Variants in SUGCT observed in about 807,000 individuals in gnomAD.
The protein encoded by SUGCT is succinyl-CoA:glutarate CoA-transferase.
In SUGCT, 41 loss-of-function variants were observed where a neutral mutation model predicts 55.0. That is an observed-to-expected ratio of 0.74 (90% CI 0.58 to 0.97). The LOEUF (loss-of-function observed/expected upper bound fraction) is 0.97. SUGCT is among the 50% of genes least tolerant of loss of function. The probability of loss-of-function intolerance (pLI) is 0.00; values close to 1 mark genes in which losing one functional copy is unlikely to be tolerated. For missense variants in SUGCT, 568 were observed against 547.8 expected, an observed-to-expected ratio of 1.04 and a Z score of -0.37; for synonymous variants, 187 against 200.4, an observed-to-expected ratio of 0.93 and a Z score of 0.56.
At chr7:40,297,808 G>T (rs1322485419) in intron 8 of SUGCT, among the ~76,000 whole-genome samples, 1 of 152,024 alleles carries the variant, frequency 6.6e-6, no homozygotes, top group Non-Finnish European at 1.5e-5. Context: ...GTATTCTCAA[G>T]CATGTCCTAT....
intron 6 of SUGCT, among the ~76,000 whole-genome samples, chr7:40,199,336 C>T (rs76287977): frequency 0.033 from 5,046 of 152,112 alleles, 264 homozygotes; most frequent in African/African-American, 0.11. Flanking sequence ...GAGGAAGGAC[C>T]TGATTATTTT....
the SUGCT span, among the ~76,000 whole-genome samples, chr7:40,911,563 G>A: frequency 1.2e-4 from 12 of 96,556 alleles, no homozygotes; most frequent in Middle Eastern, 9.2e-3. Flanking sequence ...GTGAGACCCT[G>A]TCTCAAAAAA....
At chr7:40,670,363 C>A (rs542524378) in intron 12 of SUGCT, among the ~76,000 whole-genome samples, 1 of 151,960 alleles carries the variant, frequency 6.6e-6, no homozygotes, top group African/African-American at 2.4e-5. Context: ...ATCAATGAAA[C>A]AAAGGGCTGG....
the SUGCT span, among the ~76,000 whole-genome samples, chr7:41,020,402 A>T: frequency 2.0e-5 from 3 of 152,234 alleles, no homozygotes; most frequent in African/African-American, 7.2e-5. Flanking sequence ...ATGAGAAGTA[A>T]ATAGTTTAGC....
At chr7:40,340,131 G>A (rs573842560) in intron 9 of SUGCT, among the ~76,000 whole-genome samples, 38 of 152,194 alleles carry the variant, frequency 2.5e-4, no homozygotes, top group Middle Eastern at 6.8e-3. Flanking sequence ...GGGAACACTG[G>A]AAAATTAGAA....
intron 13 of SUGCT, among the ~76,000 whole-genome samples, chr7:40,777,381 G>A (rs1230219721): frequency 6.6e-6 from 1 of 151,886 alleles, no homozygotes; most frequent in Non-Finnish European, 1.5e-5. Context: ...TTCTATTGTA[G>A]TAGGGTAAAA....
chr7:40,175,983 GCA>G (rs1249527573), intron 1 of SUGCT, among the ~76,000 whole-genome samples: 1 of 152,102 alleles, frequency 6.6e-6, no homozygotes, highest in African/African-American at 2.4e-5. Flanking sequence ...GGTAATGCCA[GCA>G]CTGTGGGAGG....
intron 12 of SUGCT, among the ~76,000 whole-genome samples, chr7:40,594,656 A>G (rs1024094306): frequency 2.0e-5 from 3 of 152,186 alleles, no homozygotes; most frequent in African/African-American, 7.2e-5. Flanking sequence ...ATGCACAGTG[A>G]GAACAGCTGG....
intron 6 of SUGCT, among the ~76,000 whole-genome samples, chr7:40,202,989 T>G (rs774898846): frequency 6.6e-6 from 1 of 152,218 alleles, no homozygotes; most frequent in Non-Finnish European, 1.5e-5. Flanking sequence ...TTTGGTATTC[T>G]TTCAGACACA....
At chr7:40,755,082 C>T (rs1028303367) in intron 13 of SUGCT, among the ~76,000 whole-genome samples, 11 of 152,188 alleles carry the variant, frequency 7.2e-5, no homozygotes, top group African/African-American at 2.2e-4. Context: ...ACAGTGACCC[C>T]GAAGAGGGAT....
At chr7:40,408,213 A>G (rs1562754978) in intron 9 of SUGCT, among the ~76,000 whole-genome samples, 1 of 152,156 alleles carries the variant, frequency 6.6e-6, no homozygotes, top group Non-Finnish European at 1.5e-5. Context: ...TGCATATTCT[A>G]TTTATCATAT....
At chr7:40,978,186 T>C in the SUGCT span, among the ~76,000 whole-genome samples, 1 of 152,248 alleles carries the variant, frequency 6.6e-6, no homozygotes, top group East Asian at 1.9e-4. Context: ...AGCCCTCACT[T>C]GCACCCCTCT....
chr7:40,245,419 ATATATTTTTTTTTTT>A (rs1447489665), intron 7 of SUGCT, among the ~76,000 whole-genome samples: 4 of 24,976 alleles, frequency 1.6e-4, no homozygotes, highest in Non-Finnish European at 2.9e-4. Flanking sequence ...ATATATATAT[ATATATTTTTTTTTTT>A]TTTTTTTTTT....
At chr7:40,323,687 G>C (rs531490327) in intron 9 of SUGCT, among the ~76,000 whole-genome samples, 1 of 152,068 alleles carries the variant, frequency 6.6e-6, no homozygotes, top group Non-Finnish European at 1.5e-5. Context: ...GCCATTGCTC[G>C]CAGACTTAGA....
At chr7:40,176,849 T>C (rs1784948268) in intron 1 of SUGCT, among the ~76,000 whole-genome samples, 1 of 150,966 alleles carries the variant, frequency 6.6e-6, no homozygotes, top group Non-Finnish European at 1.5e-5. Flanking sequence ...GGCAGGTGCC[T>C]GTAATCCCAG....
intron 8 of SUGCT, among the ~76,000 whole-genome samples, chr7:40,287,249 A>G (rs1383174651): frequency 6.6e-6 from 1 of 152,072 alleles, no homozygotes; most frequent in East Asian, 1.9e-4. Context: ...AGAGTATTTT[A>G]GTGGATTCTG....
the SUGCT span, among the ~76,000 whole-genome samples, chr7:40,899,426 C>G: frequency 2.6e-5 from 4 of 152,204 alleles, no homozygotes; most frequent in East Asian, 3.9e-4. Context: ...TTGCTCCAGG[C>G]TATGGTGTCA....
At chr7:40,760,834 G>A (rs1189274574) in intron 13 of SUGCT, among the ~76,000 whole-genome samples, 1 of 151,782 alleles carries the variant, frequency 6.6e-6, no homozygotes, top group East Asian at 1.9e-4. Context: ...TTTCTTATCT[G>A]TGACAGGAAG....
intron 8 of SUGCT, among the ~76,000 whole-genome samples, chr7:40,313,319 A>G (rs1795259654): frequency 6.6e-6 from 1 of 152,232 alleles, no homozygotes; most frequent in Non-Finnish European, 1.5e-5. Flanking sequence ...TATACAGTAT[A>G]TAGTTATTAA....
Sources: gnomAD v4.1 joint callset for allele counts (sites outside exome capture counted in the v4.1 genomes callset) on GRCh38, gnomAD v4.1.1 for gene constraint, MANE v1.5 for transcripts, NCBI Gene and HGNC (gene_info 2026-07-23, HGNC 2026-07-21) for gene names.